Variants in CLTC observed in about 807,000 individuals in gnomAD.
CLTC encodes clathrin heavy chain 1.
A neutral mutation model predicts 195.8 loss-of-function variants in CLTC; 16 were observed. The observed-to-expected ratio is 0.08, with a 90% CI of 0.06 to 0.12. The LOEUF (loss-of-function observed/expected upper bound fraction) is 0.12, where lower values mean the gene tolerates loss of function less well. Among genes scored for constraint, CLTC ranks in the 10% least tolerant of loss-of-function variants. CLTC has a pLI of 1.00. For synonymous variants in CLTC, 667 were observed against 689.4 expected (o/e 0.97, Z 0.51); for missense variants, 796 against 2,027.0 (o/e 0.39, Z 11.66).
At chr17:59,662,284 G>A (rs1165564175) in intron 8 of CLTC, among the ~76,000 whole-genome samples, 1 of 152,060 alleles carries the variant, frequency 6.6e-6, no homozygotes, top group African/African-American at 2.4e-5. Context: ...TTTCTTTACT[G>A]TAGGTCTTCT....
At chr17:59,638,375 A>G (rs1398231144) in intron 1 of CLTC, among the ~76,000 whole-genome samples, 2 of 152,050 alleles carry the variant, frequency 1.3e-5, no homozygotes, top group African/African-American at 4.8e-5. Flanking sequence ...GAGCTGTTAG[A>G]TGTCAGGCAT....
rs1417404447 is a variant in CLTC, at chr17:59,647,294, G to A, written c.251-104G>A. On this transcript the variant is annotated intron_variant, in intron 2 of 31. Transcript: ENST00000269122. ...CTGCTGTATCGATGCAACTCGTCTCGTAATAGAACTATTTTTGTTTGGAAG... is the reference window on the plus strand; with the variant it reads ...CTGCTGTATCGATGCAACTCGTCTCATAATAGAACTATTTTTGTTTGGAAG... 17 of 856,900 alleles carry A rather than the reference G, an allele frequency of 2.0e-5. No individual in the cohort carries two copies. The Admixed American group carries it at 3.7e-4, about 19-fold the overall frequency. The allele number at this position is 856,900 out of a possible 1,614,324, so 53.1% of individuals were successfully genotyped here.
At chr17:59,663,352 A>T (rs532565174) in intron 8 of CLTC, among the ~76,000 whole-genome samples, 32 of 152,346 alleles carry the variant, frequency 2.1e-4, no homozygotes, top group African/African-American at 7.0e-4. Flanking sequence ...AGTGGTGCTT[A>T]GATCCCTCAG....
At chr17:59,661,838 C>T (rs2032615148) in intron 8 of CLTC, among the ~76,000 whole-genome samples, 195 bp downstream of exon 8, 1 of 152,070 alleles carries the variant, frequency 6.6e-6, no homozygotes, top group Non-Finnish European at 1.5e-5. Context: ...CATGGTGGCT[C>T]AGGCCTGTAA....
At position 59,643,292 on chromosome 17, in the gene CLTC, C is replaced by T. The variant is rs186380770; in HGVS notation, c.43-984C>T. ...TTTAGTAGGACTTAATCTGTTACAA[C>T]ATAGTTAGTCACCCAGAGTATTAAT... On this transcript the variant is annotated intron_variant, in intron 1 of 31. Coordinates refer to ENST00000269122, the MANE Select transcript of CLTC (RefSeq NM_004859.4). Among the ~76,000 whole-genome samples, 20 of 152,136 alleles carry T rather than the reference C, an allele frequency of 1.3e-4. No homozygotes were observed. In the East Asian group the frequency reaches 3.9e-3, roughly 29 times the overall value.
Position 59,677,056 on chromosome 17 carries a change from C to T in CLTC, c.2664C>T (p.Asn888=). ...ALAKIYIDSN[N]NPERFLRENP... ...CCAAAATCTACATAGACAGTAATAA[C>T]AACCCGGAGAGATTTCTTCGTGAAA... The change falls in exon 17 of 32, where the codon AAC becomes AAT. Residue 888 remains asparagine, a synonymous_variant. Coordinates refer to ENST00000269122, the MANE Select transcript of CLTC (RefSeq NM_004859.4). 1.2e-6 allele frequency: 2 copies of T among 1,614,068 alleles called. No homozygotes were observed. Among genetic ancestry groups the T allele is most frequent in the Non-Finnish European group, 8.5e-7 (1 of 1,179,984 alleles).
intron 30 of CLTC, among the ~76,000 whole-genome samples, chr17:59,687,468 C>A (rs1489554234): frequency 6.6e-6 from 1 of 151,338 alleles, no homozygotes; most frequent in East Asian, 1.9e-4. Flanking sequence ...TATATACATG[C>A]CCTAAAAGGC....
At chr17:59,664,566 A>T in intron 9 of CLTC, 1 of 277,642 alleles carries the variant, frequency 3.6e-6, no homozygotes, top group Non-Finnish European at 5.5e-6. Context: ...AAAAAAAAAA[A>T]AGAAAAGAAA....
At chr17:59,641,805 G>T (rs955555066) in intron 1 of CLTC, among the ~76,000 whole-genome samples, 1 of 151,790 alleles carries the variant, frequency 6.6e-6, no homozygotes, top group East Asian at 1.9e-4. Flanking sequence ...CATAGATTAG[G>T]GTTGCAGGCA....
intron 1 of CLTC, among the ~76,000 whole-genome samples, chr17:59,641,246 T>C (rs2032022384): frequency 6.6e-6 from 1 of 152,052 alleles, no homozygotes; most frequent in African/African-American, 2.4e-5. Context: ...GCATTCGTAG[T>C]AGAATAACAC....
Position 59,648,623 on chromosome 17 carries a change from T to C in CLTC, c.681+222T>C. The C allele has an allele frequency of 2.0e-6, 1 of 499,222 alleles. No individual in the cohort carries two copies. Among genetic ancestry groups the C allele is most frequent in the Non-Finnish European group, 3.6e-6 (1 of 277,928 alleles). 30.9% of individuals were successfully genotyped at this position (499,222 alleles called of 1,614,324 possible). ...CTGTTGGCTGTTTATATTCTTTGAT[T>C]GCTAAAGTGCACATTTATATGCTGT... is the stretch of plus-strand genomic sequence containing the variant. On this transcript the variant is annotated intron_variant, in intron 4 of 31. Transcript: ENST00000269122. The surrounding 1 kb of genome is among the most constrained non-coding windows in gnomAD (Gnocchi z 4.5).
intron 5 of CLTC, among the ~76,000 whole-genome samples, chr17:59,651,899 T>G (rs1159819731): frequency 6.6e-6 from 1 of 152,198 alleles, no homozygotes; most frequent in Admixed American, 6.5e-5. Context: ...TGCTGTTTGA[T>G]AGCATTTTAC....
At position 59,647,495 on chromosome 17, in the gene CLTC, G is replaced by A. The variant is rs1481644596; in HGVS notation, c.348G>A (p.Leu116=). The change falls in exon 3 of 32, where the codon TTG becomes TTA. Residue 116 remains leucine (L), a synonymous_variant. Coordinates refer to ENST00000269122, the MANE Select transcript of CLTC (RefSeq NM_004859.4). ...DDVTFWKWIS[L]NTVALVTDNA... ...TCACCTTTTGGAAATGGATCTCTTT[G>A]AATACGGTTGCTCTTGTTACGGATA... 6.2e-7 allele frequency: 1 copy of A among 1,613,984 alleles called. No individual in the cohort carries two copies. The highest frequency in any genetic ancestry group is 8.5e-7 in the Non-Finnish European group (1 of 1,179,996).
Position 59,666,227 on chromosome 17 carries a change from T to A in CLTC, c.1769T>A (p.Met590Lys), listed in dbSNP as rs1197069990. Reference protein sequence around the residue: ...LQTRLLEMNLMHAPQVADAIL... With the variant: ...LQTRLLEMNLKHAPQVADAIL... ...ACGCGGTTACTTGAGATGAACCTTA[T>A]GCATGCGCCTCAAGTATGTGTTTTA... Residue 590 changes from methionine to lysine, a missense_variant, in exon 11 of 32, where the codon ATG (methionine) becomes AAG (lysine). Around this residue, in one of 9 missense-constraint regions of CLTC, gnomAD observed 293 missense variants for 795.6 expected, o/e 0.37. Coordinates refer to ENST00000269122, the MANE Select transcript of CLTC (RefSeq NM_004859.4). This position sits in a 1 kb window ranked among gnomAD's most constrained non-coding sequence, Gnocchi z 4.9. 1 of 1,614,052 alleles carries A rather than the reference T, an allele frequency of 6.2e-7. No homozygotes were observed. Among genetic ancestry groups the A allele is most frequent in the Non-Finnish European group, 8.5e-7 (1 of 1,179,930 alleles).
In CLTC at chr17:59,681,772, T is replaced by C. The variant is rs2033085932; in HGVS notation, c.3375T>C (p.Ile1125=). 2.5e-6 allele frequency: 4 copies of C among 1,614,104 alleles called. No homozygotes were observed. Among genetic ancestry groups the C allele is most frequent in the Non-Finnish European group, 3.4e-6 (4 of 1,179,952 alleles). Residue 1125 remains isoleucine, a synonymous_variant, in exon 21 of 32, where the codon ATT becomes ATC. Transcript: ENST00000269122. This position sits in a 1 kb window ranked among gnomAD's most constrained non-coding sequence, Gnocchi z 5.0. ...QLQKGMVKEA[I]DSYIKADDPS... is the part of the protein sequence containing the mutation. Reference sequence around the variant, plus strand: ...AGAAAGGAATGGTGAAAGAAGCCATTGATTCTTATATCAAAGCAGATGATC... The same window carrying C: ...AGAAAGGAATGGTGAAAGAAGCCATCGATTCTTATATCAAAGCAGATGATC...
In CLTC at chr17:59,660,334, G is replaced by A. The variant is rs906107446; in HGVS notation, c.970-57G>A. The A allele has an allele frequency of 9.7e-6, 14 of 1,444,568 alleles. No homozygotes were observed. In the African/African-American group the frequency reaches 1.7e-4, roughly 17 times the overall value. 89.5% of individuals were successfully genotyped at this position (1,444,568 alleles called of 1,614,324 possible). ...TATTAACCTGTTCTAAACAGATTTG[G>A]TATCATTTGTATCCAAATGAACACA... On this transcript the variant is annotated intron_variant, in intron 6 of 31. Transcript: ENST00000269122.
intron 5 of CLTC, among the ~76,000 whole-genome samples, chr17:59,652,133 C>T (rs1365080619): frequency 6.6e-6 from 1 of 152,184 alleles, no homozygotes; most frequent in African/African-American, 2.4e-5. Context: ...TTTTTAGGCT[C>T]TATTTCTAAT....
rs528548994 is a variant in CLTC at position 59,629,065 on chromosome 17, T to C, written c.42+8892T>C. ...CTAAAGACTGTCAGTATATATGCTC[T>C]GCTTGGCAAACAGCTGACTTTGGAT... On this transcript the variant is annotated intron_variant, in intron 1 of 31. Transcript: ENST00000269122. 4.6e-5 allele frequency among the ~76,000 whole-genome samples: 7 copies of C among 152,318 alleles called. No individual in the cohort carries two copies. The South Asian group carries it at 1.2e-3, about 27-fold the overall frequency.
At position 59,683,660 on chromosome 17, in the gene CLTC, G is replaced by T; in HGVS notation, c.4227G>T (p.Gln1409His). 1 of 1,614,138 alleles carries T rather than the reference G, an allele frequency of 6.2e-7. No individual in the cohort carries two copies. The highest frequency in any genetic ancestry group is 8.5e-7 in the Non-Finnish European group (1 of 1,180,018). Residue 1409 changes from glutamine to histidine, a missense_variant, in exon 27 of 32, where the codon CAG becomes CAT. Physicochemically the swap from Gln to His is conservative, Grantham distance 24. Transcript: ENST00000269122. The surrounding 1 kb of genome is among the most constrained non-coding windows in gnomAD (Gnocchi z 6.1). ...TGGAACTATACTACAGAGCAATACA[G>T]TTCTACTTAGAATTCAAGCCTCTGT... Reference protein sequence around the residue: ...ANVELYYRAIQFYLEFKPLLL... With the variant: ...ANVELYYRAIHFYLEFKPLLL...
Sources: gnomAD v4.1 joint callset for allele counts (sites outside exome capture counted in the v4.1 genomes callset) on GRCh38, gnomAD v4.1.1 for gene constraint, gnomAD v4.1.1 regional missense constraint, Gnocchi (gnomAD v3.1) non-coding constraint, MANE v1.5 for transcripts, NCBI Gene and HGNC (gene_info 2026-07-23, HGNC 2026-07-21) for gene names.